The following SORBS2 variants were observed in gnomAD, a reference collection of about 807,000 sequenced individuals.
SORBS2 encodes sorbin and SH3 domain-containing protein 2.
In SORBS2, 46 loss-of-function variants were observed where a neutral mutation model predicts 97.7. The observed-to-expected ratio is 0.47, with a 90% CI of 0.37 to 0.60. The LOEUF is 0.60. Ranked by LOEUF, SORBS2 falls within the 20% of genes least tolerant of loss-of-function variation. SORBS2 has a pLI of 0.00. For missense variants in SORBS2, 1,316 were observed against 1,282.3 expected (o/e 1.03, Z -0.40); for synonymous variants, 476 against 473.4 (o/e 1.01, Z -0.07).
intron 2 of SORBS2, among the ~76,000 whole-genome samples, chr4:185,703,363 A>C (rs2098293445): frequency 6.6e-6 from 1 of 152,184 alleles, no homozygotes; most frequent in Non-Finnish European, 1.5e-5. Flanking sequence ...TTCTGTTAGA[A>C]TTTACAGTAG....
intron 14 of SORBS2, chr4:185,588,326 A>G (rs1206119655): frequency 6.6e-6 from 1 of 152,264 alleles, no homozygotes; most frequent in Non-Finnish European, 1.5e-5. Context: ...TATCAGTGGC[A>G]TGATTTTTAA....
At chr4:185,876,551 A>G (rs1239350460) in intron 1 of SORBS2, among the ~76,000 whole-genome samples, 1 of 152,210 alleles carries the variant, frequency 6.6e-6, no homozygotes, top group Non-Finnish European at 1.5e-5. Flanking sequence ...TTGTTTTATC[A>G]CTAAGCACTT....
intron 1 of SORBS2, among the ~76,000 whole-genome samples, chr4:185,877,867 C>CAAAAAAAAAAAAAAAAAAAAAAAAAA (rs1491116547): frequency 2.0e-5 from 1 of 50,460 alleles, no homozygotes; most frequent in Non-Finnish European, 3.8e-5. Flanking sequence ...GAGACTCTGT[C>CAAAAAAAAAAAAAAAAAAAAAAAAAA]AAAAAACAAA....
At chr4:185,747,960 T>C (rs546072379) in intron 2 of SORBS2, among the ~76,000 whole-genome samples, 7 of 151,972 alleles carry the variant, frequency 4.6e-5, no homozygotes, top group Non-Finnish European at 7.4e-5. Context: ...CACTGCACTC[T>C]AGCCTGGGTA....
At chr4:185,727,648 C>T (rs752112403) in intron 2 of SORBS2, among the ~76,000 whole-genome samples, 1 of 152,110 alleles carries the variant, frequency 6.6e-6, no homozygotes, top group African/African-American at 2.4e-5. Context: ...GAAACCAGCC[C>T]TATTTATCAA....
At chr4:185,639,132 C>A in intron 4 of SORBS2, 97 bp from the exon 14 acceptor site, 5 of 1,175,382 alleles carry the variant, frequency 4.3e-6, no homozygotes, top group Non-Finnish European at 5.8e-6. Flanking sequence ...TGCGTTAGGC[C>A]GGGAGGGGAG....
At chr4:185,663,943 C>T (rs28481423) in intron 4 of SORBS2, among the ~76,000 whole-genome samples, 13,573 of 150,110 alleles carry the variant, frequency 0.09, 1,262 homozygotes, top group East Asian at 0.27. Flanking sequence ...CAAGCTCCGC[C>T]TCCCGGGTTC....
chr4:185,895,730 C>A (rs916614671), intron 1 of SORBS2, among the ~76,000 whole-genome samples: 8 of 152,218 alleles, frequency 5.3e-5, no homozygotes, highest in African/African-American at 7.2e-5. Flanking sequence ...CAATAAGAAA[C>A]TTGAAGAACA....
At chr4:185,688,138 A>T (rs1013536746) in intron 2 of SORBS2, among the ~76,000 whole-genome samples, 1 of 152,212 alleles carries the variant, frequency 6.6e-6, no homozygotes, top group Non-Finnish European at 1.5e-5. Flanking sequence ...TGTGTTAAAC[A>T]TTCTAAAAGT....
At position 185,811,351 on chromosome 4, in the gene SORBS2, C is replaced by T. The variant is rs540017218; in HGVS notation, c.-337-35985G>A. Among the ~76,000 whole-genome samples, 31 of 152,278 alleles carry T rather than the reference C, an allele frequency of 2.0e-4. No individual in the cohort carries two copies. In the South Asian group the frequency reaches 6.4e-3, roughly 32 times the overall value. ...CACGAAAGAATCCATTGTTCACAAG[C>T]GAGAAATGTTGTTGGCTGTGAGGAC... On this transcript the variant is annotated intron_variant, in intron 1 of 20. Transcript: ENST00000284776.
At chr4:185,591,530 A>G (rs1405976431) in intron 13 of SORBS2, among the ~76,000 whole-genome samples, 1 of 152,124 alleles carries the variant, frequency 6.6e-6, no homozygotes, top group Admixed American at 6.5e-5. Flanking sequence ...TGTGTAAAGA[A>G]TTTGATTTGG....
chr4:185,687,116 T>C (rs867976674), intron 2 of SORBS2, among the ~76,000 whole-genome samples: 2 of 152,100 alleles, frequency 1.3e-5, no homozygotes, highest in Non-Finnish European at 2.9e-5. Context: ...ATTTGGACCT[T>C]ACTGGGCTCA....
At chr4:185,937,513 A>G (rs1223634259) in intron 1 of SORBS2, among the ~76,000 whole-genome samples, 1 of 152,232 alleles carries the variant, frequency 6.6e-6, no homozygotes, top group Non-Finnish European at 1.5e-5. Flanking sequence ...GGAGAACTCC[A>G]TATTTCCTGA....
intron 1 of SORBS2, among the ~76,000 whole-genome samples, chr4:185,931,599 C>T (rs1327184867): frequency 1.3e-5 from 2 of 151,982 alleles, no homozygotes; most frequent in Non-Finnish European, 2.9e-5. Flanking sequence ...GATAAGATAC[C>T]AAGGCTAGGG....
At chr4:185,785,854 C>T (rs761971837) in intron 1 of SORBS2, among the ~76,000 whole-genome samples, 20 of 152,120 alleles carry the variant, frequency 1.3e-4, no homozygotes, top group East Asian at 5.8e-4. Flanking sequence ...TGGGCATAAT[C>T]GTTGAGCCTC....
chr4:185,806,557 A>G (rs867002638), intron 1 of SORBS2, among the ~76,000 whole-genome samples: 74 of 142,914 alleles, frequency 5.2e-4, no homozygotes, highest in African/African-American at 1.7e-3. Flanking sequence ...TCCCGGGTTC[A>G]CGCCATTCTC....
intron 1 of SORBS2, among the ~76,000 whole-genome samples, chr4:185,931,860 C>T (rs4862600): frequency 0.3 from 44,929 of 151,500 alleles, 8,219 homozygotes; most frequent in East Asian, 0.52. Flanking sequence ...ATAACAAGGA[C>T]ATGTAAGTAA....
At chr4:185,875,115 G>C (rs1042473736) in intron 1 of SORBS2, among the ~76,000 whole-genome samples, 9 of 152,046 alleles carry the variant, frequency 5.9e-5, no homozygotes, top group African/African-American at 1.9e-4. Flanking sequence ...AAATCTGAGG[G>C]TAAAACTTTC....
chr4:185,687,030 A>G (rs760777579), intron 2 of SORBS2, among the ~76,000 whole-genome samples: 5 of 152,314 alleles, frequency 3.3e-5, no homozygotes, highest in Middle Eastern at 3.4e-3. Context: ...AGCAAGTACC[A>G]TCTGAAGAAC....
Sources: allele counts gnomAD v4.1 joint callset (sites outside exome capture counted in the v4.1 genomes callset), GRCh38; gene constraint gnomAD v4.1.1; transcripts MANE v1.5; gene names NCBI Gene and HGNC (gene_info 2026-07-23, HGNC 2026-07-21).